Variants in NPNT observed in about 807,000 individuals in gnomAD.
NPNT encodes the protein preosteoblast EGF-like repeat protein with MAM domain.
In NPNT, 45 loss-of-function variants were observed where a neutral mutation model predicts 68.6. The ratio of observed to expected loss-of-function variants is 0.66; its 90% CI spans 0.52 to 0.84. The LOEUF (loss-of-function observed/expected upper bound fraction) is 0.84, where lower values mean the gene tolerates loss of function less well. Ranked by LOEUF, NPNT falls within the 40% of genes least tolerant of loss-of-function variation. The probability of loss-of-function intolerance (pLI) is 0.00; values close to 1 mark genes in which losing one functional copy is unlikely to be tolerated. For missense variants in NPNT, 672 were observed against 714.8 expected (o/e 0.94, Z 0.68); for synonymous variants, 233 against 253.3 (o/e 0.92, Z 0.76).
At chr4:105,920,471 T>C (rs992269246) in intron 2 of NPNT, among the ~76,000 whole-genome samples, 1 of 151,102 alleles carries the variant, frequency 6.6e-6, no homozygotes, top group African/African-American at 2.4e-5. Context: ...CTTAACGTTT[T>C]ATTTGGCATT....
At chr4:105,938,456 T>G (rs747451505) in intron 5 of NPNT, 36 bp downstream of exon 5, 1 of 1,604,910 alleles carries the variant, frequency 6.2e-7, no homozygotes, top group South Asian at 1.1e-5. Flanking sequence ...GTCAGCAGCC[T>G]CTGTAGGATA....
intron 2 of NPNT, 177 bp from the exon 3 acceptor site, chr4:105,927,159 C>T: frequency 6.3e-6 from 3 of 475,062 alleles, no homozygotes; most frequent in Non-Finnish European, 1.1e-5. Flanking sequence ...ATACATAACA[C>T]ATGTGTGTGT....
chr4:105,920,984 A>G (rs969497319), intron 2 of NPNT, among the ~76,000 whole-genome samples: 5 of 152,194 alleles, frequency 3.3e-5, no homozygotes, highest in African/African-American at 1.2e-4. Context: ...TGCTGCATCA[A>G]TGGTTCAGAA....
intron 3 of NPNT, among the ~76,000 whole-genome samples, chr4:105,929,899 T>C (rs1728978759): frequency 6.6e-6 from 1 of 152,212 alleles, no homozygotes; most frequent in Non-Finnish European, 1.5e-5. Context: ...TGTACTTTTT[T>C]TTCCTGTAAC....
intron 8 of NPNT, among the ~76,000 whole-genome samples, chr4:105,957,735 GA>G (rs1351477774): frequency 5.3e-5 from 8 of 152,164 alleles, no homozygotes; most frequent in Admixed American, 2.0e-4. Flanking sequence ...GGAAGAATTT[GA>G]TTCTGCCTGG....
Position 105,942,521 on chromosome 4 carries a change from T to C in NPNT, c.978T>C (p.Pro326=), listed in dbSNP as rs1730062071. ...CTACACCAAAGCCAACACCAATTCCTACTCCACCACCACCACCACCCCTGC... is the reference window on the plus strand; with the variant it reads ...CTACACCAAAGCCAACACCAATTCCCACTCCACCACCACCACCACCCCTGC... ...TRPTPKPTPI[P]TPPPPPPLPT... Residue 326 remains proline, a synonymous_variant, in exon 8 of 12, where the codon CCT becomes CCC. Transcript: ENST00000379987. 6.2e-7 allele frequency: 1 copy of C among 1,613,682 alleles called. No individual in the cohort carries two copies. The highest frequency in any genetic ancestry group is 8.5e-7 in the Non-Finnish European group (1 of 1,179,908).
At chr4:105,953,740 G>A (rs187539688) in intron 8 of NPNT, among the ~76,000 whole-genome samples, 5 of 152,172 alleles carry the variant, frequency 3.3e-5, no homozygotes, top group East Asian at 1.9e-4. Context: ...AATTACATAT[G>A]TACCATTCTC....
chr4:105,896,071 C>A, intron 1 of NPNT: 1 of 299,736 alleles, frequency 3.3e-6, no homozygotes, highest in Non-Finnish European at 6.2e-6. Flanking sequence ...GCGAAACATC[C>A]CTTACCCGGG....
chr4:105,911,898 C>T (rs1727397337), intron 2 of NPNT: 1 of 300,462 alleles, frequency 3.3e-6, no homozygotes, highest in Non-Finnish European at 6.2e-6. Context: ...TTTGAAAATA[C>T]AGCATCACAA....
chr4:105,929,269 A>G (rs1437286816), intron 3 of NPNT, among the ~76,000 whole-genome samples: 8 of 152,212 alleles, frequency 5.3e-5, no homozygotes. Flanking sequence ...TTTTGAAAAC[A>G]TACTCAAAAT....
intron 2 of NPNT, among the ~76,000 whole-genome samples, chr4:105,903,810 G>A (rs1190559499): frequency 6.9e-6 from 1 of 144,308 alleles, no homozygotes; most frequent in African/African-American, 2.6e-5. Flanking sequence ...TTTGAGATAG[G>A]GTCTTGCTCT....
chr4:105,963,979 T>G (rs1313286810), intron 10 of NPNT, among the ~76,000 whole-genome samples: 1 of 152,078 alleles, frequency 6.6e-6, no homozygotes, highest in Non-Finnish European at 1.5e-5. Context: ...CCTTTGTCAC[T>G]TATCGATACT....
chr4:105,899,730 T>G (rs1384089386), intron 2 of NPNT, among the ~76,000 whole-genome samples: 1 of 152,222 alleles, frequency 6.6e-6, no homozygotes, highest in Non-Finnish European at 1.5e-5. Context: ...GCACAAATGG[T>G]TCTTTACTAT....
At chr4:105,952,509 T>C (rs1007165351) in intron 8 of NPNT, among the ~76,000 whole-genome samples, 1 of 152,150 alleles carries the variant, frequency 6.6e-6, no homozygotes, top group African/African-American at 2.4e-5. Context: ...GATGAGTGCA[T>C]CCAGCCTGGG....
intron 3 of NPNT, among the ~76,000 whole-genome samples, chr4:105,931,668 C>CAAAAAAA (rs59960189): frequency 5.8e-4 from 58 of 99,886 alleles, no homozygotes; most frequent in African/African-American, 1.1e-3. Flanking sequence ...ACTAAAAATA[C>CAAAAAAA]AAAAAAAAAA....
rs1732443807 is a variant in NPNT, at chr4:105,969,761, ACCTTATATTGG to A, written c.*773_*783del. Reference sequence around the variant, plus strand: ...TGGTGAAATGTCATCCAGTTCCATGACCTTATATTGGCAGCAGTAGGAAATTGGCAGAAGTG... The same window carrying A: ...TGGTGAAATGTCATCCAGTTCCATGACAGCAGTAGGAAATTGGCAGAAGTG... On this transcript the variant is annotated 3_prime_UTR_variant, in exon 12 of 12. Transcript: ENST00000379987. 1 of 152,332 alleles carries A rather than the reference ACCTTATATTGG, an allele frequency of 6.6e-6. No individual in the cohort carries two copies. Among genetic ancestry groups the A allele is most frequent in the Non-Finnish European group, 1.5e-5 (1 of 68,184 alleles). 9.4% of individuals were successfully genotyped at this position (152,332 alleles called of 1,614,324 possible). A position where few individuals can be genotyped will look rare whatever the true frequency, so the allele number is the denominator to read the frequency against.
intron 10 of NPNT, 76 bp from the exon 11 acceptor site, chr4:105,967,110 ACT>A: frequency 1.4e-5 from 20 of 1,419,344 alleles, no homozygotes; most frequent in East Asian, 9.5e-5. Flanking sequence ...AAAAAAAAAA[ACT>A]AAAACTCCTG....
chr4:105,910,262 T>C (rs1388142066), intron 2 of NPNT, among the ~76,000 whole-genome samples: 1 of 152,074 alleles, frequency 6.6e-6, no homozygotes, highest in African/African-American at 2.4e-5. Context: ...TCCAACCACG[T>C]ATAGTAAAGA....
At chr4:105,945,456 C>T (rs1237898848) in intron 8 of NPNT, among the ~76,000 whole-genome samples, 11 of 152,122 alleles carry the variant, frequency 7.2e-5, no homozygotes, top group Non-Finnish European at 2.9e-5. Flanking sequence ...CTTTTCTTCC[C>T]TTAAACATCC....
Sources: allele counts gnomAD v4.1 joint callset (sites outside exome capture counted in the v4.1 genomes callset), GRCh38; gene constraint gnomAD v4.1.1; transcripts MANE v1.5; gene names NCBI Gene and HGNC (gene_info 2026-07-23, HGNC 2026-07-21).